Variants in RASAL2 observed in about 807,000 individuals in gnomAD.
RASAL2 encodes the protein ras GTPase-activating protein nGAP.
A neutral mutation model predicts 128.9 loss-of-function variants in RASAL2; 58 were observed. That is an observed-to-expected ratio of 0.45 (90% CI 0.36 to 0.56). The LOEUF (loss-of-function observed/expected upper bound fraction) is 0.56, where lower values mean the gene tolerates loss of function less well. RASAL2 is among the 20% of genes least tolerant of loss of function. The pLI, the probability that RASAL2 is intolerant of heterozygous loss-of-function variation, is 0.00. For missense variants in RASAL2, 1,360 were observed against 1,601.6 expected (o/e 0.85, Z 2.57); for synonymous variants, 561 against 580.8 (o/e 0.97, Z 0.49).
chr1:178,458,674 G>C, intron 14 of RASAL2, 130 bp downstream of exon 14: 2 of 1,323,722 alleles, frequency 1.5e-6, no homozygotes, highest in Non-Finnish European at 2.0e-6. Context: ...TAAATGGAAA[G>C]AGGAAAGGAA....
chr1:178,272,171 G>A (rs540895426), intron 1 of RASAL2, among the ~76,000 whole-genome samples: 1 of 152,128 alleles, frequency 6.6e-6, no homozygotes, highest in South Asian at 2.1e-4. Flanking sequence ...CACTAGATCC[G>A]TCTTGTTCAT....
At chr1:178,103,475 C>A (rs1011337678) in intron 1 of RASAL2, among the ~76,000 whole-genome samples, 2 of 151,998 alleles carry the variant, frequency 1.3e-5, no homozygotes, top group African/African-American at 2.4e-5. Flanking sequence ...GTCTGTACTT[C>A]GCCCGCAATA....
At chr1:178,287,515 T>C (rs1667085340) in intron 2 of RASAL2, among the ~76,000 whole-genome samples, 1 of 152,046 alleles carries the variant, frequency 6.6e-6, no homozygotes, top group Non-Finnish European at 1.5e-5. Flanking sequence ...AGTCGTTATA[T>C]AACAAGGATA....
intron 1 of RASAL2, among the ~76,000 whole-genome samples, chr1:178,096,047 A>G (rs1001532600): frequency 3.9e-5 from 6 of 152,190 alleles, no homozygotes; most frequent in Non-Finnish European, 7.3e-5. Flanking sequence ...GTGGGAGACG[A>G]TGCAAGGTCA....
In RASAL2 at chr1:178,454,537, TAATCCAGACACCATCTCAAACACCCCA is replaced by T; in HGVS notation, c.2101_2127del (p.Asn701_Pro709del). 6.2e-7 allele frequency: 1 copy of T among 1,613,678 alleles called. No individual in the cohort carries two copies. The highest frequency in any genetic ancestry group is 8.5e-7 in the Non-Finnish European group (1 of 1,179,564). On this transcript the variant is annotated inframe_deletion, in exon 12 of 18. Coordinates refer to ENST00000367649, the MANE Select transcript of RASAL2 (RefSeq NM_170692.4). ...TGAAGCGCTTTCTTTTGGAGATCTC[TAATCCAGACACCATCTCAAACACCCCA>T]GGCTTTGATGGTTACATTGATCTGG...
chr1:178,218,367 A>G (rs749006906), intron 1 of RASAL2, among the ~76,000 whole-genome samples: 6 of 152,128 alleles, frequency 3.9e-5, no homozygotes, highest in Admixed American at 1.3e-4. Flanking sequence ...TTTCTGAGCA[A>G]TAGGTCTCAA....
At chr1:178,238,874 C>G (rs994614042) in intron 1 of RASAL2, among the ~76,000 whole-genome samples, 12 of 151,990 alleles carry the variant, frequency 7.9e-5, no homozygotes, top group African/African-American at 2.9e-4. Flanking sequence ...TATTTGGTTT[C>G]TCACACTCAA....
chr1:178,355,294 G>A (rs1206004373), intron 3 of RASAL2, among the ~76,000 whole-genome samples: 1 of 152,134 alleles, frequency 6.6e-6, no homozygotes, highest in Non-Finnish European at 1.5e-5. Context: ...ATAGACCAAT[G>A]GAACAGAATA....
intron 1 of RASAL2, among the ~76,000 whole-genome samples, chr1:178,259,436 G>A (rs748311028): frequency 1.3e-5 from 2 of 152,118 alleles, no homozygotes; most frequent in African/African-American, 2.4e-5. Context: ...TTCTAAAATC[G>A]TCTATGTTGA....
intron 3 of RASAL2, among the ~76,000 whole-genome samples, chr1:178,385,043 G>A (rs1432699444): frequency 6.6e-6 from 1 of 151,982 alleles, no homozygotes; most frequent in East Asian, 1.9e-4. Context: ...AGATATTTTC[G>A]GAGTCTTTTG....
intron 1 of RASAL2, among the ~76,000 whole-genome samples, chr1:178,126,276 C>G (rs1476879917): frequency 6.6e-6 from 1 of 152,146 alleles, no homozygotes; most frequent in Non-Finnish European, 1.5e-5. Context: ...TGTCTAGTTG[C>G]AGTGACAAGT....
rs1165791897 is a variant in RASAL2, at chr1:178,094,600, G to C, written c.108G>C (p.Ala36=). Residue 36 remains alanine, a synonymous_variant, in exon 1 of 18, where the codon GCG becomes GCC. Transcript: ENST00000367649. The stretch of plus-strand genomic sequence containing the variant: ...CGCTGCCCCCGGAGGACCTGGACGC[G>C]GTTGTCCCAGTCAGTGGAGCCGTCG... ...DSPLPPEDLD[A]VVPVSGAVAG... is the part of the protein sequence containing the mutation. 1 of 1,612,114 alleles carries C rather than the reference G, an allele frequency of 6.2e-7. No individual in the cohort carries two copies. The highest frequency in any genetic ancestry group is 1.1e-5 in the South Asian group (1 of 90,610).
At chr1:178,162,332 A>G (rs947314880) in intron 1 of RASAL2, among the ~76,000 whole-genome samples, 9 of 128,662 alleles carry the variant, frequency 7.0e-5, no homozygotes, top group African/African-American at 2.4e-4. Flanking sequence ...TTATATTTAT[A>G]ATATATATTA....
At chr1:178,253,113 C>A (rs1665131352) in intron 1 of RASAL2, among the ~76,000 whole-genome samples, 1 of 152,162 alleles carries the variant, frequency 6.6e-6, no homozygotes, top group Non-Finnish European at 1.5e-5. Flanking sequence ...AAATCTGTTT[C>A]ATGCCTCTCT....
chr1:178,471,536 CT>C (rs951378940), intron 17 of RASAL2, among the ~76,000 whole-genome samples: 2 of 152,120 alleles, frequency 1.3e-5, no homozygotes, highest in African/African-American at 2.4e-5. Flanking sequence ...TTTTGTATAT[CT>C]TACCACATGA....
At chr1:178,318,129 C>G (rs1668574484) in intron 3 of RASAL2, among the ~76,000 whole-genome samples, 1 of 152,176 alleles carries the variant, frequency 6.6e-6, no homozygotes, top group Non-Finnish European at 1.5e-5. Flanking sequence ...GTCCTGAGTT[C>G]TAGTTGGATT....
intron 1 of RASAL2, among the ~76,000 whole-genome samples, chr1:178,234,027 G>A (rs1234819758): frequency 1.3e-5 from 2 of 152,162 alleles, no homozygotes; most frequent in Non-Finnish European, 2.9e-5. Flanking sequence ...TTAAAAAAGT[G>A]ATCATCACTG....
intron 1 of RASAL2, among the ~76,000 whole-genome samples, chr1:178,217,820 G>A (rs562300536): frequency 3.3e-5 from 5 of 152,240 alleles, no homozygotes; most frequent in South Asian, 2.1e-4. Context: ...AAAAGAAGAC[G>A]ACAATGAAGT....
intron 1 of RASAL2, among the ~76,000 whole-genome samples, chr1:178,103,004 G>A (rs1046514799): frequency 6.6e-6 from 1 of 152,150 alleles, no homozygotes; most frequent in African/African-American, 2.4e-5. Flanking sequence ...GAAATGACCA[G>A]AACAAACCTG....
Sources: allele counts gnomAD v4.1 joint callset (sites outside exome capture counted in the v4.1 genomes callset), GRCh38; gene constraint gnomAD v4.1.1; transcripts MANE v1.5; gene names NCBI Gene and HGNC (gene_info 2026-07-23, HGNC 2026-07-21).